Variants in SPRR2G observed in about 807,000 individuals in gnomAD.
The protein encoded by SPRR2G is small proline-rich protein 2G.
Under a neutral mutation model 0.7 loss-of-function variants are expected in SPRR2G, and 1 was observed. That is an observed-to-expected ratio of 1.49 (90% confidence interval 0.53 to 7.06). The LOEUF is 7.06. Among genes scored for constraint, SPRR2G ranks in the 30% most tolerant of loss-of-function variants. SPRR2G has a pLI of 0.14. For missense variants in SPRR2G, 96 were observed against 88.5 expected, an observed-to-expected ratio of 1.09 and a Z score of -0.34; for synonymous variants, 38 against 33.9, an observed-to-expected ratio of 1.12 and a Z score of -0.42.
rs1656427075 is a variant in SPRR2G at position 153,150,007 on chromosome 1, G to A, written c.104C>T (p.Pro35Leu). 1 of 1,613,936 alleles carries A rather than the reference G, an allele frequency of 6.2e-7. No homozygotes were observed. The highest frequency in any genetic ancestry group is 1.3e-5 in the African/African-American group (1 of 75,022). ...EPCPPPKCPEPYLPPPCPPEH... is the reference protein window; with the variant it reads ...EPCPPPKCPELYLPPPCPPEH... Reference sequence around the variant, plus strand: ...AGGTGGACAAGGAGGAGGCAGGTAAGGCTCAGGGCACTTCGGGGGTGGACA... The same window carrying A: ...AGGTGGACAAGGAGGAGGCAGGTAAAGCTCAGGGCACTTCGGGGGTGGACA... The change falls in exon 2 of 2, where the codon CCT (proline) becomes CTT (leucine). Residue 35 changes from proline (P) to leucine (L), a missense_variant. Transcript: ENST00000368748.
chr1:153,159,151 A>G, the SPRR2G span, among the ~76,000 whole-genome samples: 5 of 152,334 alleles, frequency 3.3e-5, no homozygotes, highest in East Asian at 9.6e-4. Flanking sequence ...TGAATTTCAA[A>G]TCATATCTTT....
the SPRR2G span, among the ~76,000 whole-genome samples, chr1:153,192,390 G>C: frequency 1.3e-5 from 2 of 152,158 alleles, no homozygotes; most frequent in Non-Finnish European, 2.9e-5. Flanking sequence ...CCACACAATA[G>C]CCTCTCCCTT....
chr1:153,180,088 C>A, the SPRR2G span, among the ~76,000 whole-genome samples: 7 of 152,074 alleles, frequency 4.6e-5, no homozygotes, highest in South Asian at 2.1e-4. Flanking sequence ...TTTAAAGTAA[C>A]CTTTTAACTG....
chr1:153,195,697 T>G, the SPRR2G span, among the ~76,000 whole-genome samples: 1 of 152,232 alleles, frequency 6.6e-6, no homozygotes, highest in Non-Finnish European at 1.5e-5. Flanking sequence ...ACAACATTTA[T>G]TTATCACCTC....
the SPRR2G span, among the ~76,000 whole-genome samples, chr1:153,199,738 G>C: frequency 2.6e-5 from 4 of 152,064 alleles, no homozygotes; most frequent in Non-Finnish European, 4.4e-5. Flanking sequence ...GTAAATAGAA[G>C]TTATTTTTAT....
chr1:153,194,086 G>A, the SPRR2G span, among the ~76,000 whole-genome samples: 11,854 of 152,032 alleles, frequency 0.078, 489 homozygotes, highest in African/African-American at 0.11. Flanking sequence ...CTTGTACCCA[G>A]GCTAGGGTAA....
At chr1:153,173,401 G>T in the SPRR2G span, among the ~76,000 whole-genome samples, 4 of 151,996 alleles carry the variant, frequency 2.6e-5, no homozygotes, top group Non-Finnish European at 5.9e-5. Flanking sequence ...ACAGAGAGAG[G>T]GAAATAAATA....
At chr1:153,185,479 C>A in the SPRR2G span, among the ~76,000 whole-genome samples, 1 of 151,806 alleles carries the variant, frequency 6.6e-6, no homozygotes, top group Non-Finnish European at 1.5e-5. Context: ...ATCCATTTCT[C>A]CTATATTTTC....
chr1:153,169,239 C>T, the SPRR2G span, among the ~76,000 whole-genome samples: 1 of 152,066 alleles, frequency 6.6e-6, no homozygotes, highest in African/African-American at 2.4e-5. Context: ...CCTTTGAACA[C>T]AACAGTAGAC....
chr1:153,176,280 T>C, the SPRR2G span: 4 of 152,180 alleles, frequency 2.6e-5, no homozygotes, highest in Admixed American at 2.0e-4. Flanking sequence ...ACGTGGACTT[T>C]GGATTTTCTT....
the SPRR2G span, among the ~76,000 whole-genome samples, chr1:153,172,055 G>T: frequency 6.6e-6 from 1 of 152,124 alleles, no homozygotes; most frequent in Non-Finnish European, 1.5e-5. Flanking sequence ...AAATTGGAGC[G>T]ACCTACAGCT....
At chr1:153,175,111 T>G in the SPRR2G span, among the ~76,000 whole-genome samples, 26 of 152,174 alleles carry the variant, frequency 1.7e-4, 2 homozygotes, top group Admixed American at 1.7e-3. Context: ...ACCTGATATC[T>G]CCTCTATATC....
chr1:153,154,146 CT>C (rs879621046), upstream of SPRR2G, among the ~76,000 whole-genome samples: 335 of 142,488 alleles, frequency 2.4e-3, no homozygotes, highest in Middle Eastern at 3.7e-3. Flanking sequence ...ACTGAACCAT[CT>C]TTTTTTTTTT....
At chr1:153,175,416 C>T in the SPRR2G span, among the ~76,000 whole-genome samples, 1 of 152,200 alleles carries the variant, frequency 6.6e-6, no homozygotes, top group Admixed American at 6.5e-5. Context: ...CCATGCAACG[C>T]TCCTCTCCCT....
the SPRR2G span, among the ~76,000 whole-genome samples, chr1:153,165,157 CATGGATGGATGGATGGATGG>C: frequency 2.3e-3 from 336 of 149,176 alleles, 3 homozygotes; most frequent in Admixed American, 7.2e-3. Context: ...AGAAAGCAAA[CATGGATGGATGGATGGATGG>C]ATGGATGGAT....
At chr1:153,173,810 C>A in the SPRR2G span, among the ~76,000 whole-genome samples, 6 of 152,154 alleles carry the variant, frequency 3.9e-5, no homozygotes, top group East Asian at 1.9e-4. Flanking sequence ...AGACTCAAGT[C>A]TCTCACTGGC....
the SPRR2G span, chr1:153,174,712 T>C: frequency 6.6e-6 from 1 of 152,188 alleles, no homozygotes; most frequent in Non-Finnish European, 1.5e-5. Flanking sequence ...AGTCCATACA[T>C]AGTGACAGTG....
At chr1:153,151,144 G>T (rs551360216), upstream of SPRR2G, among the ~76,000 whole-genome samples, 1 of 152,326 alleles carries the variant, frequency 6.6e-6, no homozygotes, top group African/African-American at 2.4e-5. Context: ...CAATTGTGGT[G>T]CTTCCCTATA....
chr1:153,183,647 A>C, the SPRR2G span, among the ~76,000 whole-genome samples: 1 of 151,866 alleles, frequency 6.6e-6, no homozygotes, highest in Non-Finnish European at 1.5e-5. Flanking sequence ...AGATTGCAAA[A>C]ATTTTCTCCC....
Sources: gnomAD v4.1 joint callset for allele counts (sites outside exome capture counted in the v4.1 genomes callset) on GRCh38, gnomAD v4.1.1 for gene constraint, MANE v1.5 for transcripts, NCBI Gene and HGNC (gene_info 2026-07-23, HGNC 2026-07-21) for gene names.